NARS2: variants seen among roughly 807,000 people sequenced by gnomAD.
The protein encoded by NARS2 is asparaginyl-tRNA synthetase.
In NARS2, 60 loss-of-function variants were observed where a neutral mutation model predicts 62.9. The ratio of observed to expected loss-of-function variants is 0.95; its 90% CI spans 0.77 to 1.18. The LOEUF is 1.18. NARS2 is among the 50% of genes most tolerant of loss of function. NARS2 has a pLI of 0.00. For synonymous variants in NARS2, 196 were observed against 200.0 expected (o/e 0.98, Z 0.17); for missense variants, 619 against 576.4 (o/e 1.07, Z -0.76).
intron 5 of NARS2, among the ~76,000 whole-genome samples, chr11:78,556,119 T>C (rs1448508536): frequency 1.3e-5 from 2 of 152,134 alleles, no homozygotes; most frequent in Non-Finnish European, 2.9e-5. Flanking sequence ...TTAGAGTAGG[T>C]GCCACGTGAA....
At chr11:78,482,599 G>A (rs1447146442) in intron 7 of NARS2, among the ~76,000 whole-genome samples, 1 of 152,162 alleles carries the variant, frequency 6.6e-6, no homozygotes, top group Admixed American at 6.5e-5. Context: ...TACCATCAGA[G>A]AAAAGCATAA....
At chr11:78,514,504 G>C (rs188807015) in intron 6 of NARS2, among the ~76,000 whole-genome samples, 1 of 152,298 alleles carries the variant, frequency 6.6e-6, no homozygotes, top group Non-Finnish European at 1.5e-5. Context: ...AATATCAACA[G>C]GCACAGCATT....
chr11:78,560,599 T>C (rs998380949), intron 4 of NARS2, among the ~76,000 whole-genome samples: 1 of 152,232 alleles, frequency 6.6e-6, no homozygotes, highest in Non-Finnish European at 1.5e-5. Flanking sequence ...TGGTGGAGTG[T>C]AGATTGTCTC....
chr11:78,436,893 C>G, intron 13 of NARS2, 79 bp from the exon 14 acceptor site: 1 of 1,423,832 alleles, frequency 7.0e-7, no homozygotes, highest in African/African-American at 1.4e-5. Context: ...ATGTTTCAAA[C>G]GTATTTTGCA....
chr11:78,474,574 C>T (rs1859007383), intron 9 of NARS2, among the ~76,000 whole-genome samples: 1 of 152,134 alleles, frequency 6.6e-6, no homozygotes, highest in African/African-American at 2.4e-5. Flanking sequence ...AATAAGAAAC[C>T]TCAGGAGAGG....
chr11:78,538,024 T>G (rs569789983), intron 5 of NARS2, among the ~76,000 whole-genome samples: 2 of 152,170 alleles, frequency 1.3e-5, no homozygotes, highest in African/African-American at 4.8e-5. Flanking sequence ...CTGTGTTGAG[T>G]AGCATGATGA....
intron 7 of NARS2, among the ~76,000 whole-genome samples, chr11:78,491,044 T>C (rs1292134345): frequency 6.6e-6 from 1 of 152,196 alleles, no homozygotes; most frequent in Non-Finnish European, 1.5e-5. Flanking sequence ...AGAACAAAGA[T>C]TAATAAAGAA....
intron 6 of NARS2, among the ~76,000 whole-genome samples, chr11:78,509,093 A>G (rs1860617191): frequency 1.3e-5 from 2 of 150,090 alleles, no homozygotes; most frequent in Admixed American, 6.7e-5. Context: ...CAACAGAGTG[A>G]GACTCTGTCT....
chr11:78,531,832 A>C (rs1861491363), intron 5 of NARS2, among the ~76,000 whole-genome samples: 1 of 152,212 alleles, frequency 6.6e-6, no homozygotes, highest in Non-Finnish European at 1.5e-5. Context: ...AGAATAGGTA[A>C]ATCCATAGAG....
chr11:78,457,679 A>G (rs1392148931), intron 11 of NARS2, among the ~76,000 whole-genome samples: 1 of 152,182 alleles, frequency 6.6e-6, no homozygotes, highest in Non-Finnish European at 1.5e-5. Context: ...GTGTGAGACC[A>G]CATTACTAGA....
chr11:78,453,786 G>C (rs574851271), intron 11 of NARS2, among the ~76,000 whole-genome samples: 69 of 152,330 alleles, frequency 4.5e-4, no homozygotes, highest in Admixed American at 1.2e-3. Flanking sequence ...GTACAATTAG[G>C]AAAGAGGGCT....
intron 6 of NARS2, among the ~76,000 whole-genome samples, chr11:78,511,721 G>A (rs1259582299): frequency 1.2e-3 from 166 of 141,480 alleles, no homozygotes; most frequent in Non-Finnish European, 1.1e-3. Flanking sequence ...CGTCTCCAAA[G>A]AAAAAAAAAA....
At chr11:78,470,049 A>G (rs1858802531) in intron 9 of NARS2, among the ~76,000 whole-genome samples, 1 of 152,198 alleles carries the variant, frequency 6.6e-6, no homozygotes, top group Non-Finnish European at 1.5e-5. Flanking sequence ...GCTTGTTCAC[A>G]GAACAAAAAG....
intron 6 of NARS2, among the ~76,000 whole-genome samples, chr11:78,510,561 TAA>T (rs1860682635): frequency 6.6e-6 from 1 of 152,136 alleles, no homozygotes; most frequent in East Asian, 1.9e-4. Context: ...AGAAGATAAC[TAA>T]AAAGAGAGAG....
At chr11:78,560,059 G>A (rs922358939) in intron 4 of NARS2, among the ~76,000 whole-genome samples, 6 of 152,126 alleles carry the variant, frequency 3.9e-5, no homozygotes, top group Non-Finnish European at 7.3e-5. Context: ...TGCTGCCCAC[G>A]TTGCTAGAGG....
At chr11:78,560,424 T>C (rs1056783012) in intron 4 of NARS2, among the ~76,000 whole-genome samples, 3 of 152,224 alleles carry the variant, frequency 2.0e-5, no homozygotes, top group African/African-American at 7.2e-5. Context: ...ATTTTGACTA[T>C]GGATGTAAGC....
At chr11:78,469,387 A>C in intron 9 of NARS2, 74 bp from the exon 10 acceptor site, 1 of 1,078,800 alleles carries the variant, frequency 9.3e-7, no homozygotes, top group Non-Finnish European at 1.4e-6. Context: ...TTAAAACCAG[A>C]AAAAGCGTAC....
chr11:78,568,823 A>G (rs1856826360), intron 2 of NARS2, 71 bp from the exon 3 acceptor site: 7 of 1,259,150 alleles, frequency 5.6e-6, no homozygotes, highest in South Asian at 2.9e-5. Flanking sequence ...CAACTTTGCA[A>G]TAAGAATATT....
intron 9 of NARS2, among the ~76,000 whole-genome samples, chr11:78,473,183 A>G (rs998332501): frequency 6.6e-6 from 1 of 152,186 alleles, no homozygotes; most frequent in Admixed American, 6.5e-5. Context: ...CAAAAAGTCT[A>G]AAGTTCACCA....
Sources: gnomAD v4.1 joint callset for allele counts (sites outside exome capture counted in the v4.1 genomes callset) on GRCh38, gnomAD v4.1.1 for gene constraint, MANE v1.5 for transcripts, NCBI Gene and HGNC (gene_info 2026-07-23, HGNC 2026-07-21) for gene names.